CACNG3: variants seen among roughly 807,000 people sequenced by gnomAD.
CACNG3 encodes the protein voltage-dependent calcium channel gamma-3 subunit.
In CACNG3, 3 loss-of-function variants were observed where a neutral mutation model predicts 28.5. The ratio of observed to expected loss-of-function variants is 0.11; its 90% CI spans 0.05 to 0.27. The LOEUF (loss-of-function observed/expected upper bound fraction) is 0.27, where lower values mean the gene tolerates loss of function less well. CACNG3 is among the 10% of genes least tolerant of loss of function. The pLI, the probability that CACNG3 is intolerant of heterozygous loss-of-function variation, is 1.00. For missense variants in CACNG3, 236 were observed against 414.4 expected (o/e 0.57, Z 3.74); for synonymous variants, 174 against 162.2 (o/e 1.07, Z -0.55).
chr16:24,280,256 A>G (rs191313709), intron 1 of CACNG3, among the ~76,000 whole-genome samples: 33 of 152,322 alleles, frequency 2.2e-4, no homozygotes, highest in African/African-American at 7.9e-4. Context: ...TTTTAAGTGA[A>G]CATTAAAGTT....
chr16:24,293,636 C>A (rs998985941), intron 1 of CACNG3, among the ~76,000 whole-genome samples: 4 of 152,094 alleles, frequency 2.6e-5, no homozygotes, highest in Non-Finnish European at 5.9e-5. Context: ...ACATCACTTG[C>A]ACACTTCAAA....
At chr16:24,333,422 A>G (rs1307650259) in intron 1 of CACNG3, 2 of 152,550 alleles carry the variant, frequency 1.3e-5, no homozygotes, top group African/African-American at 4.8e-5. Flanking sequence ...TCAAAGTGTT[A>G]CAGGTCTCAT....
At position 24,317,163 on chromosome 16, in the gene CACNG3, T is replaced by G. The variant is rs138787140; in HGVS notation, c.212-29571T>G. Among the ~76,000 whole-genome samples, 1,056 of 152,218 alleles carry G rather than the reference T, an allele frequency of 6.9e-3. 15 individuals carry two copies. The highest frequency in any genetic ancestry group is 0.024 in the African/African-American group (1,012 of 41,554). ...ATGCTAGGTGCTTTATATTATCTCA[T>G]ATAATAGGTCATTCCGATTTTCCAA... On this transcript the variant is annotated intron_variant, in intron 1 of 3. Coordinates refer to ENST00000005284, the MANE Select transcript of CACNG3 (RefSeq NM_006539.4).
chr16:24,282,479 G>A (rs954216441), intron 1 of CACNG3, among the ~76,000 whole-genome samples: 2 of 150,718 alleles, frequency 1.3e-5, no homozygotes, highest in Admixed American at 6.6e-5. Flanking sequence ...GTTTCACTCT[G>A]TTGGCCAGGA....
intron 1 of CACNG3, among the ~76,000 whole-genome samples, chr16:24,324,856 G>A (rs960735343): frequency 6.6e-6 from 1 of 152,022 alleles, no homozygotes; most frequent in African/African-American, 2.4e-5. Flanking sequence ...TGCACTGCTT[G>A]CCCTGATTTG....
At chr16:24,352,144 C>T (rs1317522930) in intron 2 of CACNG3, among the ~76,000 whole-genome samples, 4 of 152,026 alleles carry the variant, frequency 2.6e-5, no homozygotes, top group Non-Finnish European at 4.4e-5. Flanking sequence ...TTTCAGAAAA[C>T]TGAAAACACA....
At chr16:24,294,493 G>A (rs146726118) in intron 1 of CACNG3, among the ~76,000 whole-genome samples, 1 of 152,258 alleles carries the variant, frequency 6.6e-6, no homozygotes, top group African/African-American at 2.4e-5. Context: ...TTGGCAAGGA[G>A]GTCAAGTGAC....
intron 2 of CACNG3, among the ~76,000 whole-genome samples, chr16:24,349,862 C>G (rs912692881): frequency 6.6e-6 from 1 of 152,118 alleles, no homozygotes; most frequent in Non-Finnish European, 1.5e-5. Context: ...TGGAGTCGCT[C>G]TGTTTCCAAC....
intron 1 of CACNG3, among the ~76,000 whole-genome samples, chr16:24,291,553 AC>A (rs745693728): frequency 1.3e-5 from 2 of 152,176 alleles, no homozygotes; most frequent in Non-Finnish European, 2.9e-5. Context: ...ATGAAAGGCC[AC>A]TTCAGGATTC....
chr16:24,329,304 C>T (rs1275492689), intron 1 of CACNG3, among the ~76,000 whole-genome samples: 1 of 152,032 alleles, frequency 6.6e-6, no homozygotes, highest in Admixed American at 6.6e-5. Flanking sequence ...TGTCAGGGCC[C>T]GGGATGGATT....
chr16:24,297,213 A>G (rs1404477319), intron 1 of CACNG3, among the ~76,000 whole-genome samples: 2 of 150,180 alleles, frequency 1.3e-5, no homozygotes, highest in Non-Finnish European at 2.9e-5. Context: ...GCACCACGGC[A>G]CTCTAGCCTG....
intron 3 of CACNG3, among the ~76,000 whole-genome samples, chr16:24,355,277 A>T (rs1900014686): frequency 6.6e-6 from 1 of 152,046 alleles, no homozygotes; most frequent in Non-Finnish European, 1.5e-5. Flanking sequence ...GATTTATAAG[A>T]GTGTACATAC....
intron 2 of CACNG3, among the ~76,000 whole-genome samples, chr16:24,354,391 G>A (rs35280950): frequency 0.07 from 10,615 of 152,052 alleles, 490 homozygotes; most frequent in Non-Finnish European, 0.1. Context: ...TCCGTGCCTG[G>A]GCTCCCACCA....
chr16:24,342,954 C>G (rs1403184252), intron 1 of CACNG3, among the ~76,000 whole-genome samples: 2 of 152,094 alleles, frequency 1.3e-5, no homozygotes, highest in South Asian at 2.1e-4. Context: ...CTTCAGGAGG[C>G]TGAGGCAGGT....
chr16:24,311,763 G>A (rs1035651289), intron 1 of CACNG3, among the ~76,000 whole-genome samples: 4 of 152,110 alleles, frequency 2.6e-5, no homozygotes, highest in African/African-American at 9.7e-5. Flanking sequence ...GGCTGAGGCA[G>A]GAGAATCACT....
chr16:24,261,380 C>G (rs549556165), intron 1 of CACNG3, among the ~76,000 whole-genome samples: 36 of 152,190 alleles, frequency 2.4e-4, no homozygotes, highest in African/African-American at 8.7e-4. Context: ...TTGATTTTTA[C>G]CTTGGAGAAA....
At chr16:24,356,231 A>C (rs1396731491) in intron 3 of CACNG3, among the ~76,000 whole-genome samples, 1 of 152,156 alleles carries the variant, frequency 6.6e-6, no homozygotes, top group Non-Finnish European at 1.5e-5. Context: ...CAAACTTTGC[A>C]AGGTGATGGT....
At chr16:24,354,727 G>A (rs1376926152) in intron 2 of CACNG3, 106 bp from the exon 3 acceptor site, 19 of 1,168,842 alleles carry the variant, frequency 1.6e-5, no homozygotes, top group Non-Finnish European at 2.2e-5. Context: ...CATGGGCTCT[G>A]TTCTCTTCCT....
chr16:24,271,529 G>A (rs1209367715), intron 1 of CACNG3, among the ~76,000 whole-genome samples: 3 of 152,100 alleles, frequency 2.0e-5, no homozygotes, highest in Admixed American at 6.6e-5. Context: ...ATTTACTCCT[G>A]TGCAGCTTCC....
Sources: allele counts gnomAD v4.1 joint callset (sites outside exome capture counted in the v4.1 genomes callset), GRCh38; gene constraint gnomAD v4.1.1; transcripts MANE v1.5; gene names NCBI Gene and HGNC (gene_info 2026-07-23, HGNC 2026-07-21).